Variants in PHLPP1 observed in about 807,000 individuals in gnomAD.
PHLPP1 encodes PH domain leucine-rich repeat-containing protein phosphatase 1.
In PHLPP1, 42 loss-of-function variants were observed where a neutral mutation model predicts 117.2. The ratio of observed to expected loss-of-function variants is 0.36; its 90% confidence interval spans 0.28 to 0.46. The LOEUF is 0.46. Ranked by LOEUF, PHLPP1 falls within the 20% of genes least tolerant of loss-of-function variation. PHLPP1 has a pLI of 1.00. For missense variants in PHLPP1, 2,084 were observed against 2,241.9 expected (o/e 0.93, Z 1.42); for synonymous variants, 1,042 against 970.7 (o/e 1.07, Z -1.37).
At chr18:62,750,726 T>C (rs553218786) in intron 1 of PHLPP1, among the ~76,000 whole-genome samples, 2 of 152,004 alleles carry the variant, frequency 1.3e-5, no homozygotes, top group Non-Finnish European at 2.9e-5. Flanking sequence ...TGTTTTTTTT[T>C]TTTTACAAGC....
chr18:62,895,389 A>G (rs1916532463), intron 5 of PHLPP1, among the ~76,000 whole-genome samples: 1 of 152,238 alleles, frequency 6.6e-6, no homozygotes, highest in South Asian at 2.1e-4. Context: ...ATCCCTACAG[A>G]TGAGTATGTC....
rs747097979 is a variant in PHLPP1 at position 62,849,832 on chromosome 18, A to ATATATATATATATATAT, written c.1900-10603_1900-10602insTATATATATATATATAT. ...AAAAAAAAAAAAAAAAAAAAAAAAA[A>ATATATATATATATATAT]ATATATATATCCTTTAAAGTTTAGT... On this transcript the variant is annotated intron_variant, in intron 3 of 16. Coordinates refer to ENST00000262719, the MANE Select transcript of PHLPP1 (RefSeq NM_194449.4). Among the ~76,000 whole-genome samples the ATATATATATATATATAT allele has an allele frequency of 2.7e-4, 9 of 33,098 alleles. 1 individual carries two copies. The highest frequency in any genetic ancestry group is 8.6e-4 in the African/African-American group (7 of 8,098). The allele number at this position is 33,098 out of a possible 152,430, so 21.7% of individuals were successfully genotyped here.
chr18:62,754,245 T>C (rs1911943633), intron 1 of PHLPP1, among the ~76,000 whole-genome samples: 1 of 152,234 alleles, frequency 6.6e-6, no homozygotes, highest in African/African-American at 2.4e-5. Context: ...TCACCTGTCT[T>C]GTCAGTCTGG....
chr18:62,900,233 G>T (rs900874211), intron 6 of PHLPP1, among the ~76,000 whole-genome samples: 1 of 151,746 alleles, frequency 6.6e-6, no homozygotes, highest in African/African-American at 2.4e-5. Context: ...GGAGGCGGAG[G>T]TTGCAGTGGG....
At chr18:62,751,107 T>C in intron 1 of PHLPP1, among the ~76,000 whole-genome samples, 1 of 152,218 alleles carries the variant, frequency 6.6e-6, no homozygotes, top group East Asian at 1.9e-4. Context: ...CCGTGATCCA[T>C]AGTGAATCTT....
At chr18:62,806,368 T>G (rs1031343744) in intron 1 of PHLPP1, among the ~76,000 whole-genome samples, 1 of 152,220 alleles carries the variant, frequency 6.6e-6, no homozygotes, top group African/African-American at 2.4e-5. Flanking sequence ...TCTCTGTTAT[T>G]TATTTCTAGT....
intron 15 of PHLPP1, among the ~76,000 whole-genome samples, chr18:62,975,116 C>G (rs928969688): frequency 6.6e-6 from 1 of 152,082 alleles, no homozygotes; most frequent in Non-Finnish European, 1.5e-5. Context: ...ACACAGCAGC[C>G]CAGGGGCACC....
intron 1 of PHLPP1, among the ~76,000 whole-genome samples, chr18:62,728,486 C>T (rs1181402549): frequency 1.3e-5 from 2 of 150,960 alleles, no homozygotes; most frequent in Admixed American, 6.6e-5. Flanking sequence ...TTGTGAAGCA[C>T]ATATGGCTTA....
At chr18:62,957,360 T>C (rs1910642017) in intron 12 of PHLPP1, among the ~76,000 whole-genome samples, 1 of 152,138 alleles carries the variant, frequency 6.6e-6, no homozygotes. Context: ...ACATGACCCT[T>C]TTGTGATTTT....
In PHLPP1 at chr18:62,735,040, CTT is replaced by C. The variant is rs34602238; in HGVS notation, c.1576+17793_1576+17794del. 1.8e-3 allele frequency among the ~76,000 whole-genome samples: 255 copies of C among 143,296 alleles called. 1 individual carries two copies. The highest frequency in any genetic ancestry group is 6.3e-3 in the African/African-American group (247 of 38,976). The allele number at this position is 143,296 out of a possible 152,430, so 94.0% of individuals were successfully genotyped here. On this transcript the variant is annotated intron_variant, in intron 1 of 16. Transcript: ENST00000262719. ...TGGAACTGCTTAAGAGGATGTCATT[CTT>C]TTTTTTTTTTTCTTTTTTTTGAGGC...
intron 1 of PHLPP1, among the ~76,000 whole-genome samples, chr18:62,770,652 T>G (rs537054817): frequency 1.3e-4 from 20 of 152,276 alleles, no homozygotes; most frequent in African/African-American, 4.6e-4. Context: ...TCATTAAAGA[T>G]TCATAGTTTG....
intron 1 of PHLPP1, among the ~76,000 whole-genome samples, chr18:62,829,542 G>A (rs1157733377): frequency 2.0e-5 from 3 of 152,044 alleles, no homozygotes; most frequent in Admixed American, 2.0e-4. Flanking sequence ...ACCTGAGGTC[G>A]GGAATTTGAG....
At chr18:62,746,352 A>C (rs1911673392) in intron 1 of PHLPP1, among the ~76,000 whole-genome samples, 2 of 152,120 alleles carry the variant, frequency 1.3e-5, no homozygotes, top group African/African-American at 4.8e-5. Context: ...GCCAAAACTA[A>C]TTTTTTATAG....
chr18:62,913,846 C>T (rs955079216), intron 8 of PHLPP1, among the ~76,000 whole-genome samples: 13 of 145,860 alleles, frequency 8.9e-5, no homozygotes, highest in East Asian at 2.1e-4. Flanking sequence ...CGGGTTCAAA[C>T]GATTCTCGTG....
chr18:62,835,561 A>G (rs1266006363), intron 2 of PHLPP1, among the ~76,000 whole-genome samples: 1 of 152,062 alleles, frequency 6.6e-6, no homozygotes, highest in Non-Finnish European at 1.5e-5. Flanking sequence ...TAGATGTTTG[A>G]TAAATACCCT....
At chr18:62,854,163 C>G (rs965617845) in intron 3 of PHLPP1, among the ~76,000 whole-genome samples, 3 of 152,204 alleles carry the variant, frequency 2.0e-5, no homozygotes, top group African/African-American at 7.2e-5. Context: ...CTTCAACTAT[C>G]TTGTCTGTGG....
intron 1 of PHLPP1, among the ~76,000 whole-genome samples, chr18:62,754,390 A>T (rs570200482): frequency 6.6e-6 from 1 of 152,346 alleles, no homozygotes; most frequent in East Asian, 1.9e-4. Flanking sequence ...AGAGGTGTAG[A>T]GGCTGCAGTC....
Position 62,978,873 on chromosome 18 carries a change from C to A in PHLPP1, c.4596C>A (p.Ser1532=), listed in dbSNP as rs766958530. Reference sequence around the variant, plus strand: ...CCAACTCCTTCCAGCGCCAGCTATCCAGCGCCACGTTCTCTAGCGCCTTCT... The same window carrying A: ...CCAACTCCTTCCAGCGCCAGCTATCAAGCGCCACGTTCTCTAGCGCCTTCT... ...CLSNSFQRQL[S]SATFSSAFSD... is the part of the protein sequence containing the mutation. The change falls in exon 17 of 17, where the codon TCC becomes TCA. Residue 1532 remains serine, a synonymous_variant. Transcript: ENST00000262719. The surrounding 1 kb of genome is among the most constrained non-coding windows in gnomAD (Gnocchi z 7.0). 105 of 1,606,988 alleles carry A rather than the reference C, an allele frequency of 6.5e-5. No individual in the cohort carries two copies. The Admixed American group carries it at 1.7e-3, about 27-fold the overall frequency.
chr18:62,850,127 C>T (rs1031263400), intron 3 of PHLPP1, among the ~76,000 whole-genome samples: 61 of 148,642 alleles, frequency 4.1e-4, no homozygotes, highest in African/African-American at 1.5e-3. Flanking sequence ...TGGTGGCTCA[C>T]GCCTGTAATC....
Sources: gnomAD v4.1 joint callset for allele counts (sites outside exome capture counted in the v4.1 genomes callset) on GRCh38, gnomAD v4.1.1 for gene constraint, Gnocchi (gnomAD v3.1) non-coding constraint, MANE v1.5 for transcripts, NCBI Gene and HGNC (gene_info 2026-07-23, HGNC 2026-07-21) for gene names.